TMEM131L: variants seen among roughly 807,000 people sequenced by gnomAD.
TMEM131L encodes the protein transmembrane 131 like.
A neutral mutation model predicts 192.2 loss-of-function variants in TMEM131L; 54 were observed. That is an observed-to-expected ratio of 0.28 (90% CI 0.23 to 0.35). The LOEUF (loss-of-function observed/expected upper bound fraction) is 0.35, where lower values mean the gene tolerates loss of function less well. Among genes scored for constraint, TMEM131L ranks in the 10% least tolerant of loss-of-function variants. The pLI, the probability that TMEM131L is intolerant of heterozygous loss-of-function variation, is 1.00. For synonymous variants in TMEM131L, 701 were observed against 704.9 expected (o/e 0.99, Z 0.09); for missense variants, 1,888 against 1,972.9 (o/e 0.96, Z 0.82).
chr4:153,508,621 A>G (rs573055028), intron 3 of TMEM131L, among the ~76,000 whole-genome samples: 14 of 152,058 alleles, frequency 9.2e-5, no homozygotes, highest in African/African-American at 3.4e-4. Flanking sequence ...AAATTGATGA[A>G]TGATGTATCT....
At chr4:153,563,856 A>G (rs557068226) in intron 7 of TMEM131L, among the ~76,000 whole-genome samples, 1 of 152,248 alleles carries the variant, frequency 6.6e-6, no homozygotes, top group South Asian at 2.1e-4. Flanking sequence ...GCACACAAAG[A>G]TATGCATTCA....
intron 29 of TMEM131L, 72 bp downstream of exon 29, chr4:153,623,155 C>G: frequency 7.4e-7 from 1 of 1,358,654 alleles, no homozygotes; most frequent in Non-Finnish European, 9.8e-7. Flanking sequence ...CCAGTCCACA[C>G]AGTCTCGATC....
At chr4:153,509,346 CAA>C (rs1734199113) in intron 3 of TMEM131L, among the ~76,000 whole-genome samples, 1 of 149,320 alleles carries the variant, frequency 6.7e-6, no homozygotes, top group Non-Finnish European at 1.5e-5. Flanking sequence ...ACCTGGGTGA[CAA>C]GAGCTAGACC....
intron 3 of TMEM131L, among the ~76,000 whole-genome samples, chr4:153,478,472 C>G (rs768015960): frequency 6.6e-6 from 1 of 152,204 alleles, no homozygotes; most frequent in East Asian, 1.9e-4. Flanking sequence ...GTATACCCCT[C>G]ACCCAGTGAA....
intron 19 of TMEM131L, 138 bp downstream of exon 19, chr4:153,594,009 G>A (rs947189894): frequency 2.7e-5 from 17 of 637,354 alleles, no homozygotes; most frequent in African/African-American, 2.4e-4. Context: ...GGGCATTAAC[G>A]ATACATAGCA....
In TMEM131L at chr4:153,477,616, A is replaced by G. The variant is rs1409605479; in HGVS notation, c.239+3728A>G. ...GACTTATATAAAAAAAAAATTTTACATCATGCCTGTGTACTTGCAAGCATA... is the reference window on the plus strand; with the variant it reads ...GACTTATATAAAAAAAAAATTTTACGTCATGCCTGTGTACTTGCAAGCATA... On this transcript the variant is annotated intron_variant, in intron 3 of 34. Coordinates refer to ENST00000409959, the MANE Select transcript of TMEM131L (RefSeq NM_001131007.2). 3.9e-5 allele frequency among the ~76,000 whole-genome samples: 6 copies of G among 152,342 alleles called. No individual in the cohort carries two copies. The East Asian group carries it at 1.2e-3, about 29-fold the overall frequency.
At chr4:153,497,417 G>C (rs1036947168) in intron 3 of TMEM131L, among the ~76,000 whole-genome samples, 76 of 152,044 alleles carry the variant, frequency 5.0e-4, no homozygotes, top group African/African-American at 1.8e-3. Context: ...GCTTGAAGCT[G>C]AAAACATCCT....
At chr4:153,631,342 C>A (rs1734194329) in intron 31 of TMEM131L, among the ~76,000 whole-genome samples, 1 of 152,206 alleles carries the variant, frequency 6.6e-6, no homozygotes, top group African/African-American at 2.4e-5. Flanking sequence ...CCACATAAAG[C>A]TGAAATATAG....
rs544425367 is a variant in TMEM131L, at chr4:153,603,824, G to C, written c.2812G>C (p.Asp938His). 1.3e-6 allele frequency: 2 copies of C among 1,582,336 alleles called. No homozygotes were observed. Among genetic ancestry groups the C allele is most frequent in the South Asian group, 2.3e-5 (2 of 85,862 alleles). ...SYKSNCKNFLDTYGPSDKGRG... is the reference protein window; with the variant it reads ...SYKSNCKNFLHTYGPSDKGRG... Reference sequence around the variant, plus strand: ...CAGAAGCAATTGCAAGAACTTTCTCGATACATATGGCCCCTCTGATAAAGG... The same window carrying C: ...CAGAAGCAATTGCAAGAACTTTCTCCATACATATGGCCCCTCTGATAAAGG... Residue 938 changes from aspartate to histidine, a missense_variant, in exon 25 of 35, where the codon GAT (aspartate) becomes CAT (histidine). Physicochemically the swap from Asp to His is moderately conservative, Grantham distance 81. Transcript: ENST00000409959.
At chr4:153,582,430 G>GTTTTTTT (rs1561212531) in intron 9 of TMEM131L, among the ~76,000 whole-genome samples, 5 of 38,506 alleles carry the variant, frequency 1.3e-4, no homozygotes, top group East Asian at 8.1e-4. Context: ...GTTTTTTTTT[G>GTTTTTTT]TTGTTTTTTT....
In TMEM131L at chr4:153,523,799, T is replaced by A. The variant is rs1735281192; in HGVS notation, c.240-26274T>A. Among the ~76,000 whole-genome samples, 4 of 152,162 alleles carry A rather than the reference T, an allele frequency of 2.6e-5. No homozygotes were observed. In the South Asian group the frequency reaches 8.3e-4, roughly 31 times the overall value. ...AAATCAAGGCCACACCCAGAAAAGA[T>A]CTCACCTTTACTCCTGCAGTCAGGC... is the stretch of plus-strand genomic sequence containing the variant. On this transcript the variant is annotated intron_variant, in intron 3 of 34. Coordinates refer to ENST00000409959, the MANE Select transcript of TMEM131L (RefSeq NM_001131007.2).
At chr4:153,611,835 A>T (rs77371820) in intron 25 of TMEM131L, among the ~76,000 whole-genome samples, 5,940 of 152,290 alleles carry the variant, frequency 0.039, 303 homozygotes, top group African/African-American at 0.11. Context: ...AACCATCTTG[A>T]CCATCTTAAC....
intron 13 of TMEM131L, 59 bp from the exon 14 acceptor site, chr4:153,586,150 T>A: frequency 8.1e-7 from 1 of 1,234,372 alleles, no homozygotes; most frequent in Admixed American, 2.7e-5. Context: ...TACTTTATAA[T>A]GATTTTAATC....
intron 31 of TMEM131L, among the ~76,000 whole-genome samples, chr4:153,632,114 A>C (rs1170925955): frequency 6.6e-6 from 1 of 152,216 alleles, no homozygotes; most frequent in Non-Finnish European, 1.5e-5. Flanking sequence ...GGAGTTTGAG[A>C]GCAGCCTGGT....
chr4:153,499,429 A>ATT (rs11334807), intron 3 of TMEM131L, among the ~76,000 whole-genome samples: 6 of 140,614 alleles, frequency 4.3e-5, no homozygotes, highest in East Asian at 2.1e-4. Flanking sequence ...GATCTTTATG[A>ATT]TTTTTTTTTT....
chr4:153,534,507 C>T (rs1177547691), intron 3 of TMEM131L, among the ~76,000 whole-genome samples: 1 of 152,170 alleles, frequency 6.6e-6, no homozygotes, highest in Admixed American at 6.5e-5. Context: ...AATCTCAGCT[C>T]ACTGCAACCT....
chr4:153,484,237 G>C (rs1446410356), intron 3 of TMEM131L, among the ~76,000 whole-genome samples: 1 of 152,126 alleles, frequency 6.6e-6, no homozygotes, highest in Non-Finnish European at 1.5e-5. Context: ...TTAAACAAAA[G>C]AATGTTATCA....
intron 3 of TMEM131L, among the ~76,000 whole-genome samples, chr4:153,501,528 G>A (rs764466958): frequency 6.6e-6 from 1 of 152,132 alleles, no homozygotes; most frequent in Non-Finnish European, 1.5e-5. Flanking sequence ...TGTAAATAAT[G>A]TGAGTAAAGC....
chr4:153,615,211 C>G (rs1483739823), intron 26 of TMEM131L, among the ~76,000 whole-genome samples: 2 of 152,158 alleles, frequency 1.3e-5, no homozygotes, highest in Non-Finnish European at 2.9e-5. Context: ...ATTAAATGGG[C>G]TAATTGAGAA....
Sources: allele counts gnomAD v4.1 joint callset (sites outside exome capture counted in the v4.1 genomes callset), GRCh38; gene constraint gnomAD v4.1.1; transcripts MANE v1.5; gene names NCBI Gene and HGNC (gene_info 2026-07-23, HGNC 2026-07-21).